Variants in SLC17A6 observed in about 807,000 individuals in gnomAD.
SLC17A6 encodes the protein solute carrier family 17 member 6, also known as vesicular glutamate transporter 2.
SLC17A6 carries 35 observed loss-of-function variants against 67.1 expected under a neutral mutation model. The observed-to-expected ratio is 0.52, with a 90% confidence interval of 0.40 to 0.69. The LOEUF (loss-of-function observed/expected upper bound fraction) is 0.69, where lower values mean the gene tolerates loss of function less well. Ranked by LOEUF, SLC17A6 falls within the 30% of genes least tolerant of loss-of-function variation. The pLI is 0.00. For synonymous variants in SLC17A6, 285 were observed against 252.3 expected, an observed-to-expected ratio of 1.13 and a Z score of -1.23; for missense variants, 588 against 723.9, an observed-to-expected ratio of 0.81 and a Z score of 2.15.
chr11:22,362,306 C>G (rs1231705358), intron 5 of SLC17A6: 2 of 369,706 alleles, frequency 5.4e-6, no homozygotes, highest in Non-Finnish European at 1.1e-5. Context: ...CAGAGAAAAA[C>G]AATTAAAATG....
intron 4 of SLC17A6, among the ~76,000 whole-genome samples, chr11:22,359,986 G>T (rs1300590601): frequency 6.6e-6 from 1 of 151,922 alleles, no homozygotes; most frequent in African/African-American, 2.4e-5. Flanking sequence ...ATCAACTCTT[G>T]CTCCATCAGC....
Position 22,348,536 on chromosome 11 carries a change from T to C in SLC17A6, c.458+5171T>C, listed in dbSNP as rs2133862257. Reference sequence around the variant, plus strand: ...ATTCTGTAACAGAGAACATGGTATTTATAACTTTTTCTGCCACGCAGACAC... The same window carrying C: ...ATTCTGTAACAGAGAACATGGTATTCATAACTTTTTCTGCCACGCAGACAC... On this transcript the variant is annotated intron_variant, in intron 3 of 11. Coordinates refer to ENST00000263160, the MANE Select transcript of SLC17A6 (RefSeq NM_020346.3). Among the ~76,000 whole-genome samples the C allele has an allele frequency of 2.6e-5, 4 of 152,300 alleles. No individual in the cohort carries two copies. In the South Asian group the frequency reaches 8.3e-4, roughly 32 times the overall value.
Position 22,341,718 on chromosome 11 carries a change from G to A in SLC17A6, c.277G>A (p.Val93Met). ...ISFGIRCNLG[V>M]AIVDMVNNST... ...CTTCGGTATCCGCTGCAACCTGGGC[G>A]TGGCCATTGTGGACATGGTCAACAA... is the stretch of plus-strand genomic sequence containing the variant. Residue 93 changes from valine (V) to methionine (M), a missense_variant, in exon 2 of 12, where the codon GTG (valine) becomes ATG (methionine). Physicochemically the swap from Val to Met is conservative, Grantham distance 21. Transcript: ENST00000263160. 1 of 1,614,234 alleles carries A rather than the reference G, an allele frequency of 6.2e-7. No individual in the cohort carries two copies.
chr11:22,366,833 G>A (rs905961551), intron 7 of SLC17A6, among the ~76,000 whole-genome samples: 7 of 151,732 alleles, frequency 4.6e-5, no homozygotes, highest in South Asian at 2.1e-4. Context: ...GGGAAACCCC[G>A]TCTCTACTAA....
chr11:22,375,043 T>A (rs1004592853), intron 9 of SLC17A6, among the ~76,000 whole-genome samples, 156 bp downstream of exon 9: 28 of 152,176 alleles, frequency 1.8e-4, no homozygotes, highest in African/African-American at 6.0e-4. Context: ...TTACATCAAA[T>A]TTTTCATAAC....
chr11:22,359,857 C>T (rs1856030050), intron 4 of SLC17A6, among the ~76,000 whole-genome samples: 1 of 151,982 alleles, frequency 6.6e-6, no homozygotes, highest in African/African-American at 2.4e-5. Context: ...CTGGTGATAA[C>T]CATGAATTAG....
intron 3 of SLC17A6, among the ~76,000 whole-genome samples, chr11:22,346,188 G>A (rs1855873757): frequency 6.6e-6 from 1 of 152,094 alleles, no homozygotes; most frequent in African/African-American, 2.4e-5. Flanking sequence ...GGAAAGTTTT[G>A]CCACCACTGT....
intron 5 of SLC17A6, among the ~76,000 whole-genome samples, 157 bp from the exon 6 acceptor site, chr11:22,362,582 C>T (rs1856065414): frequency 6.6e-6 from 1 of 152,026 alleles, no homozygotes; most frequent in Admixed American, 6.6e-5. Flanking sequence ...CGTATGTAGA[C>T]ATATATGTGT....
Position 22,363,868 on chromosome 11 carries a change from G to A in SLC17A6, c.748+1043G>A, listed in dbSNP as rs1348521682. On this transcript the variant is annotated intron_variant, in intron 6 of 11. Transcript: ENST00000263160. ...TCAAAGGAGTGCATAATTCAACAAA[G>A]TTTAAAAGCACTTGTTTTATAGGAT... Among the ~76,000 whole-genome samples the A allele has an allele frequency of 2.0e-5, 3 of 151,884 alleles. No homozygotes were observed. In the East Asian group the frequency reaches 5.8e-4, roughly 29 times the overall value.
intron 7 of SLC17A6, among the ~76,000 whole-genome samples, chr11:22,367,680 A>T (rs1449003922): frequency 6.6e-6 from 1 of 152,194 alleles, no homozygotes; most frequent in Admixed American, 6.5e-5. Flanking sequence ...GAGAGGTCAT[A>T]TGTCTAGATT....
chr11:22,341,586 C>A lies in SLC17A6; in HGVS notation c.145C>A (p.Pro49Thr), dbSNP rs1855816467. Residue 49 changes from proline (P) to threonine (T), a missense_variant, in exon 2 of 12, where the codon CCC (proline) becomes ACC (threonine). Transcript: ENST00000263160. Reference sequence around the variant, plus strand: ...AATCGAGCTGACGGAGGATGGGAAGCCCCTAGAGGTGCCCGAGAGGAAGGC... The same window carrying A: ...AATCGAGCTGACGGAGGATGGGAAGACCCTAGAGGTGCCCGAGAGGAAGGC... ...ETIELTEDGK[P>T]LEVPERKAPL... 1 of 1,614,078 alleles carries A rather than the reference C, an allele frequency of 6.2e-7. No homozygotes were observed. The highest frequency in any genetic ancestry group is 2.2e-5 in the East Asian group (1 of 44,862).
In SLC17A6 at chr11:22,351,320, C is replaced by G. The variant is rs552895322; in HGVS notation, c.458+7955C>G. 1.1e-3 allele frequency among the ~76,000 whole-genome samples: 161 copies of G among 152,140 alleles called. 1 individual carries two copies. Among genetic ancestry groups the G allele is most frequent in the African/African-American group, 3.3e-3 (139 of 41,510 alleles). On this transcript the variant is annotated intron_variant, in intron 3 of 11. Transcript: ENST00000263160. ...TTGTGTAATAGTGAGGTTTAGGCTT[C>G]TAGGGTACCCATCACCTAAATAGAT... is the stretch of plus-strand genomic sequence containing the variant.
intron 8 of SLC17A6, among the ~76,000 whole-genome samples, chr11:22,373,734 A>G (rs1353835229): frequency 2.0e-5 from 3 of 152,184 alleles, no homozygotes; most frequent in Non-Finnish European, 2.9e-5. Context: ...TATTAAAATC[A>G]TCCATCTGGG....
intron 6 of SLC17A6, among the ~76,000 whole-genome samples, chr11:22,363,110 C>T (rs920053182): frequency 5.3e-5 from 8 of 151,972 alleles, no homozygotes; most frequent in African/African-American, 1.5e-4. Context: ...ATTAAATTAG[C>T]TCTTGATTAA....
chr11:22,354,364 G>A (rs1376708925), intron 3 of SLC17A6, among the ~76,000 whole-genome samples: 6 of 152,182 alleles, frequency 3.9e-5, no homozygotes, highest in African/African-American at 7.2e-5. Context: ...GATTACAGGC[G>A]TGAGCCACCG....
chr11:22,358,578 C>T (rs1856015778), intron 3 of SLC17A6, among the ~76,000 whole-genome samples: 1 of 152,208 alleles, frequency 6.6e-6, no homozygotes, highest in Non-Finnish European at 1.5e-5. Context: ...GATCCGCTCG[C>T]CTCGGCCTCC....
chr11:22,363,687 T>A (rs1183545710), intron 6 of SLC17A6, among the ~76,000 whole-genome samples: 2 of 152,208 alleles, frequency 1.3e-5, no homozygotes, highest in Non-Finnish European at 2.9e-5. Flanking sequence ...ATGTCACTTA[T>A]CATAGGGACT....
At chr11:22,370,455 G>C (rs556328349) in intron 8 of SLC17A6, among the ~76,000 whole-genome samples, 3 of 152,058 alleles carry the variant, frequency 2.0e-5, no homozygotes, top group African/African-American at 7.2e-5. Context: ...CAGTTGGAGC[G>C]AGCAGCGGTG....
Position 22,377,971 on chromosome 11 carries a change from G to A in SLC17A6, c.*231G>A. The A allele has an allele frequency of 2.0e-6, 1 of 505,954 alleles. No homozygotes were observed. The highest frequency in any genetic ancestry group is 3.9e-5 in the South Asian group (1 of 25,950). The allele number at this position is 505,954 out of a possible 1,614,324, so 31.3% of individuals were successfully genotyped here. A position where few individuals can be genotyped will look rare whatever the true frequency, so the allele number is the denominator to read the frequency against. ...CCATTCTTGCATTTGTGACTTAAAG[G>A]TTGACTGGTCAAAATTGTAGAAACA... On this transcript the variant is annotated 3_prime_UTR_variant, in exon 12 of 12. Coordinates refer to ENST00000263160, the MANE Select transcript of SLC17A6 (RefSeq NM_020346.3).
Sources: gnomAD v4.1 joint callset for allele counts (sites outside exome capture counted in the v4.1 genomes callset) on GRCh38, gnomAD v4.1.1 for gene constraint, MANE v1.5 for transcripts, NCBI Gene and HGNC (gene_info 2026-07-23, HGNC 2026-07-21) for gene names.